The following LTBP3 variants were observed in gnomAD, a reference collection of about 807,000 sequenced individuals.
LTBP3 encodes the protein latent-transforming growth factor beta-binding protein 3.
LTBP3 carries 97 observed loss-of-function variants against 159.7 expected under a neutral mutation model. That is an observed-to-expected ratio of 0.61 (90% CI 0.52 to 0.72). The LOEUF (loss-of-function observed/expected upper bound fraction) is 0.72. Ranked by LOEUF, LTBP3 falls within the 30% of genes least tolerant of loss-of-function variation. The pLI, the probability that LTBP3 is intolerant of heterozygous loss-of-function variation, is 0.00. For synonymous variants in LTBP3, 824 were observed against 777.1 expected, an observed-to-expected ratio of 1.06 and a Z score of -1.00; for missense variants, 1,584 against 1,864.3, an observed-to-expected ratio of 0.85 and a Z score of 2.77.
Position 65,539,958 on chromosome 11 carries a change from G to C in LTBP3, c.3385+55C>G. 2.1e-6 allele frequency: 3 copies of C among 1,457,850 alleles called. No individual in the cohort carries two copies. The South Asian group carries it at 4.1e-5, about 20-fold the overall frequency. The allele number at this position is 1,457,850 out of a possible 1,614,324, so 90.3% of individuals were successfully genotyped here. On this transcript the variant is annotated intron_variant, in intron 24 of 27. Coordinates refer to ENST00000301873, the MANE Select transcript of LTBP3 (RefSeq NM_001130144.3). ...CCTCCGCCCCACCCCACCTGCGCGG[G>C]GGCCACGTGACGGACAGGGCCCCGG...
chr11:65,550,978 T>G, intron 11 of LTBP3, 148 bp downstream of exon 11: 1 of 708,470 alleles, frequency 1.4e-6, no homozygotes, highest in Non-Finnish European at 2.5e-6. Context: ...CAGTGGGATC[T>G]CTGGTGCTCA....
rs776138425 is a variant in LTBP3, at chr11:65,540,345, G to A, written c.3144C>T (p.Asn1048=). ...CGCCGCGCGTGTTCTCACACACTCC[G>A]TTCCGGCAGTTGGACTCGTCCAGGC... ...DECLDESNCR[N]GVCENTRGGY... The change falls in exon 23 of 28, where the codon AAC becomes AAT. Residue 1048 remains asparagine, a synonymous_variant. Transcript: ENST00000301873. 1.9e-6 allele frequency: 3 copies of A among 1,587,264 alleles called. No individual in the cohort carries two copies. Among genetic ancestry groups the A allele is most frequent in the South Asian group, 1.1e-5 (1 of 87,600 alleles).
In LTBP3 at chr11:65,551,555, G is replaced by A. The variant is rs749736286; in HGVS notation, c.1541C>T (p.Thr514Met). ...EDTEEERGVT[T>M]DSPVSEERSV... ...CTGGGTTCTCATACTCACTGAGTCC[G>A]TGGTCACCCCTAAAAGGGAAGAAGA... The change falls in exon 9 of 28, where the codon ACG becomes ATG. Residue 514 changes from threonine to methionine, a missense_variant. By Grantham distance (81) the Thr-to-Met change is moderately conservative. Coordinates refer to ENST00000301873, the MANE Select transcript of LTBP3 (RefSeq NM_001130144.3). 7.4e-6 allele frequency: 12 copies of A among 1,613,886 alleles called. No individual in the cohort carries two copies. The African/African-American group carries it at 9.3e-5, about 13-fold the overall frequency.
rs1395028216 is a variant in LTBP3 at position 65,552,736 on chromosome 11, A to G, written c.1186+124T>C. ...CCGGACCCTGCTGATCCCTGATCCT[A>G]TTGGCTCTGGGCCTTGTTCCTCCTG... On this transcript the variant is annotated intron_variant, in intron 6 of 27. Transcript: ENST00000301873. This position sits in a 1 kb window ranked among gnomAD's most constrained non-coding sequence, Gnocchi z 6.0. 7 of 1,411,104 alleles carry G rather than the reference A, an allele frequency of 5.0e-6. No individual in the cohort carries two copies. Among genetic ancestry groups the G allele is most frequent in the South Asian group, 2.4e-5 (2 of 84,676 alleles). 87.4% of individuals were successfully genotyped at this position (1,411,104 alleles called of 1,614,324 possible). A position where few individuals can be genotyped will look rare whatever the true frequency, so the allele number is the denominator to read the frequency against.
chr11:65,543,027 GGAGA>G (rs1856221155), intron 18 of LTBP3, 74 bp downstream of exon 18: 1 of 1,587,770 alleles, frequency 6.3e-7, no homozygotes, highest in Non-Finnish European at 8.6e-7. Flanking sequence ...ATGGATGGAT[GGAGA>G]AAGGCCACAG....
At chr11:65,540,976 G>C (rs373185533) in intron 20 of LTBP3, 22 bp from the exon 21 acceptor site, 1 of 1,609,236 alleles carries the variant, frequency 6.2e-7, no homozygotes, top group Admixed American at 1.7e-5. Context: ...GGGCGGCCGT[G>C]GGGAGGGAAG....
intron 16 of LTBP3, 142 bp from the exon 17 acceptor site, chr11:65,543,691 G>T: frequency 1.8e-6 from 2 of 1,087,742 alleles, no homozygotes; most frequent in Non-Finnish European, 2.8e-6. Context: ...CTGCTTCTGG[G>T]TGGCACACAG....
At position 65,540,580 on chromosome 11, in the gene LTBP3, A is replaced by G. The variant is rs151139557; in HGVS notation, c.3012T>C (p.Ile1004=). Residue 1004 remains isoleucine, a synonymous_variant, in exon 22 of 28, where the codon ATT becomes ATC. Transcript: ENST00000301873. ...IDECMLFGSE[I]CKEGKCVNTQ... ...TGTTCACGCACTTGCCCTCCTTGCA[A>G]ATCTCCGACCCGAACAACATGCACT... 3,548 of 1,613,804 alleles carry G rather than the reference A, an allele frequency of 2.2e-3. 59 individuals are homozygous for G. In the African/African-American group the frequency reaches 0.039, roughly 18 times the overall value.
At position 65,554,443 on chromosome 11, in the gene LTBP3, TC is replaced by T. The variant is rs751174761; in HGVS notation, c.332-64del. ...CTGTCTCTTTCCCCTCCTCCCTACTTCCTTGCCACCCACTGGCTCTGTCCTC... is the reference window on the plus strand; with the variant it reads ...CTGTCTCTTTCCCCTCCTCCCTACTTCTTGCCACCCACTGGCTCTGTCCTC... On this transcript the variant is annotated intron_variant, in intron 1 of 27. Transcript: ENST00000301873. This position sits in a 1 kb window ranked among gnomAD's most constrained non-coding sequence, Gnocchi z 5.3. 3.7e-4 allele frequency: 515 copies of T among 1,379,244 alleles called. No homozygotes were observed. The highest frequency in any genetic ancestry group is 4.9e-4 in the Non-Finnish European group (490 of 996,776). 85.4% of individuals were successfully genotyped at this position (1,379,244 alleles called of 1,614,324 possible).
rs934903190 is a variant in LTBP3 at position 65,547,524 on chromosome 11, G to A, written c.2022C>T (p.Gly674=). The change falls in exon 14 of 28, where the codon GGC becomes GGT. Residue 674 remains glycine, a synonymous_variant. Coordinates refer to ENST00000301873, the MANE Select transcript of LTBP3 (RefSeq NM_001130144.3). This position sits in a 1 kb window ranked among gnomAD's most constrained non-coding sequence, Gnocchi z 4.6. ...CAKPHLCGDG[G]FCINFPGHYK... Reference sequence around the variant, plus strand: ...AGTGACCGGGAAAGTTGATGCAGAAGCCGCCGTCGCCGCACAGGTGGGGCT... The same window carrying A: ...AGTGACCGGGAAAGTTGATGCAGAAACCGCCGTCGCCGCACAGGTGGGGCT... The A allele has an allele frequency of 3.7e-6, 6 of 1,613,876 alleles. No individual in the cohort carries two copies. Among genetic ancestry groups the A allele is most frequent in the Non-Finnish European group, 5.1e-6 (6 of 1,179,938 alleles).
chr11:65,553,545 G>A lies in LTBP3; in HGVS notation c.865-15C>T, dbSNP rs940954185. On this transcript the variant is annotated splice_polypyrimidine_tract_variant and intron_variant, in intron 3 of 27. Transcript: ENST00000301873. The surrounding 1 kb of genome is among the most constrained non-coding windows in gnomAD (Gnocchi z 6.5). ...TTGCTGCCACACTAGGGGAAGGAGG[G>A]GGAGGTGGGGTCACAGAGCACCCCG... 2.0e-6 allele frequency: 3 copies of A among 1,538,234 alleles called. No individual in the cohort carries two copies. The highest frequency in any genetic ancestry group is 1.4e-5 in the African/African-American group (1 of 73,382).
At position 65,553,590 on chromosome 11, in the gene LTBP3, G is replaced by T; in HGVS notation, c.865-60C>A. ...ACCCCGCCCCGGTGCCGCCTGTTAG[G>T]GTTGGGCCTTTTCCTCTTCCCCCGC... On this transcript the variant is annotated intron_variant, in intron 3 of 27. Transcript: ENST00000301873. This position sits in a 1 kb window ranked among gnomAD's most constrained non-coding sequence, Gnocchi z 6.5. The T allele has an allele frequency of 6.7e-7, 1 of 1,501,720 alleles. No individual in the cohort carries two copies. The highest frequency in any genetic ancestry group is 1.8e-4 in the Middle Eastern group (1 of 5,634). The allele number at this position is 1,501,720 out of a possible 1,614,324, so 93.0% of individuals were successfully genotyped here.
chr11:65,547,744 G>C lies in LTBP3; in HGVS notation c.1924C>G (p.His642Asp), dbSNP rs868867736. The change falls in exon 13 of 28, where the codon CAC (histidine) becomes GAC (aspartate). Residue 642 changes from histidine to aspartate, a missense_variant. Around this residue, in one of 6 missense-constraint regions of LTBP3, gnomAD observed 565 missense variants for 677.7 expected, o/e 0.83. Coordinates refer to ENST00000301873, the MANE Select transcript of LTBP3 (RefSeq NM_001130144.3). The surrounding 1 kb of genome is among the most constrained non-coding windows in gnomAD (Gnocchi z 4.6). ...TGCAGGCGGTAGCCGCGGTTGCAGTGGCAATTGTAGGAGCCGCCGGTGTTC... is the reference window on the plus strand; with the variant it reads ...TGCAGGCGGTAGCCGCGGTTGCAGTCGCAATTGTAGGAGCCGCCGGTGTTC... ...CMNTGGSYNC[H>D]CNRGYRLHVG... 6.2e-7 allele frequency: 1 copy of C among 1,608,802 alleles called. No homozygotes were observed. The highest frequency in any genetic ancestry group is 8.5e-7 in the Non-Finnish European group (1 of 1,178,356).
Position 65,549,567 on chromosome 11 carries a change from CTTTTTTTT to C in LTBP3, c.1721-1530_1721-1523del, listed in dbSNP as rs748132211. 4.2e-4 allele frequency among the ~76,000 whole-genome samples: 27 copies of C among 64,744 alleles called. 1 individual carries two copies. Among genetic ancestry groups the C allele is most frequent in the Admixed American group, 9.4e-4 (4 of 4,262 alleles). 42.5% of individuals were successfully genotyped at this position (64,744 alleles called of 152,430 possible). Reference sequence around the variant, plus strand: ...GCATGCACCACCACGCCCAGCTAATCTTTTTTTTTTTTTTTTTTTTTTTTGGATTTTTA... The same window carrying C: ...GCATGCACCACCACGCCCAGCTAATCTTTTTTTTTTTTTTTTGGATTTTTA... On this transcript the variant is annotated intron_variant, in intron 11 of 27. Coordinates refer to ENST00000301873, the MANE Select transcript of LTBP3 (RefSeq NM_001130144.3).
chr11:65,551,168 G>A lies in LTBP3; in HGVS notation c.1678C>T (p.Pro560Ser), dbSNP rs1462414293. Residue 560 changes from proline to serine, a missense_variant, in exon 11 of 28, where the codon CCT (proline) becomes TCT (serine). Coordinates refer to ENST00000301873, the MANE Select transcript of LTBP3 (RefSeq NM_001130144.3). Reference sequence around the variant, plus strand: ...GCGATCTCTACGGCGCTGCGGGAAGGAGGCAAGTCCGGCAGGAACCAGCGC... The same window carrying A: ...GCGATCTCTACGGCGCTGCGGGAAGAAGGCAAGTCCGGCAGGAACCAGCGC... ...TMRWFLPDLPPSRSAVEIAPT... is the reference protein window; with the variant it reads ...TMRWFLPDLPSSRSAVEIAPT... 6.4e-7 allele frequency: 1 copy of A among 1,553,724 alleles called. No homozygotes were observed. The highest frequency in any genetic ancestry group is 1.4e-5 in the African/African-American group (1 of 73,296).
At position 65,558,163 on chromosome 11, in the gene LTBP3, C is replaced by T; in HGVS notation, c.-204G>A. On this transcript the variant is annotated 5_prime_UTR_variant, in exon 1 of 28. Coordinates refer to ENST00000301873, the MANE Select transcript of LTBP3 (RefSeq NM_001130144.3). ...TGGACAGCGGGGAGCGCAGAAACTT[C>T]CCAGCCCCAGGACGAAGCCCAGACC... 2 of 1,071,794 alleles carry T rather than the reference C, an allele frequency of 1.9e-6. No homozygotes were observed. Among genetic ancestry groups the T allele is most frequent in the Non-Finnish European group, 2.3e-6 (2 of 884,554 alleles). The allele number at this position is 1,071,794 out of a possible 1,614,324, so 66.4% of individuals were successfully genotyped here.
At chr11:65,540,703 C>CGGGCGGGGCCTAAAGGAG in intron 21 of LTBP3, 89 bp from the exon 22 acceptor site, 2 of 1,243,482 alleles carry the variant, frequency 1.6e-6, no homozygotes, top group Admixed American at 1.8e-5. Context: ...AAGCCATCCC[C>CGGGCGGGGCCTAAAGGAG]GGGCGGGGCC....
chr11:65,549,755 G>A (rs1238588023), intron 11 of LTBP3, among the ~76,000 whole-genome samples: 2 of 77,890 alleles, frequency 2.6e-5, no homozygotes, highest in African/African-American at 7.9e-5. Flanking sequence ...TCCCCAGGCC[G>A]GGAAAAAAAA....
At position 65,558,111 on chromosome 11, in the gene LTBP3, C is replaced by G; in HGVS notation, c.-152G>C. The G allele has an allele frequency of 9.3e-7, 1 of 1,079,166 alleles. No homozygotes were observed. The highest frequency in any genetic ancestry group is 1.1e-6 in the Non-Finnish European group (1 of 889,428). The allele number at this position is 1,079,166 out of a possible 1,614,324, so 66.8% of individuals were successfully genotyped here. On this transcript the variant is annotated 5_prime_UTR_variant, in exon 1 of 28. Coordinates refer to ENST00000301873, the MANE Select transcript of LTBP3 (RefSeq NM_001130144.3). ...AGCGGGCGGGAGGGGACCGCGGGGG[C>G]CCGGCGGGAGGCGCGGAGATGCAGA...
Sources: allele counts gnomAD v4.1 joint callset (sites outside exome capture counted in the v4.1 genomes callset), GRCh38; gene constraint gnomAD v4.1.1; regional missense constraint gnomAD v4.1.1; non-coding constraint Gnocchi (gnomAD v3.1); transcripts MANE v1.5; gene names NCBI Gene and HGNC (gene_info 2026-07-23, HGNC 2026-07-21).